OR52K1: variants seen among roughly 807,000 people sequenced by gnomAD.
The protein encoded by OR52K1 is olfactory receptor 52K1.
Under a neutral mutation model 8.7 loss-of-function variants are expected in OR52K1, and 10 were observed. That is an observed-to-expected ratio of 1.15 (90% confidence interval 0.71 to 1.95). The LOEUF is 1.95. OR52K1 is among the 30% of genes most tolerant of loss of function. The pLI is 0.00. For missense variants in OR52K1, 431 were observed against 397.2 expected (o/e 1.08, Z -0.72); for synonymous variants, 203 against 148.5 (o/e 1.37, Z -2.67).
In OR52K1 at chr11:4,483,024, T is replaced by C. The variant is rs1466421156; in HGVS notation, c.-481T>C. ...AACACTGTGGGCCATCTCCAAGAAGTCTTAGTTGATTATTCCAGTTTGGAT... is the reference window on the plus strand; with the variant it reads ...AACACTGTGGGCCATCTCCAAGAAGCCTTAGTTGATTATTCCAGTTTGGAT... On this transcript the variant is annotated 5_prime_UTR_variant, in exon 1 of 2. Transcript: ENST00000641528. 1 of 396,908 alleles carries C rather than the reference T, an allele frequency of 2.5e-6. No homozygotes were observed. Among genetic ancestry groups the C allele is most frequent in the African/African-American group, 2.1e-5 (1 of 48,564 alleles). 24.6% of individuals were successfully genotyped at this position (396,908 alleles called of 1,614,324 possible).
intron 1 of OR52K1, among the ~76,000 whole-genome samples, chr11:4,487,764 G>A (rs920740521): frequency 6.6e-6 from 1 of 152,110 alleles, no homozygotes; most frequent in Non-Finnish European, 1.5e-5. Flanking sequence ...AGTGTTTGAA[G>A]TACATTATCT....
Position 4,489,221 on chromosome 11 carries a change from C to T in OR52K1, c.321C>T (p.His107=), listed in dbSNP as rs1289382236. The T allele has an allele frequency of 1.9e-6, 3 of 1,614,200 alleles. No homozygotes were observed. Among genetic ancestry groups the T allele is most frequent in the East Asian group, 2.2e-5 (1 of 44,886 alleles). The part of the protein sequence containing the change: ...FACLVQMFFL[H]SFSIMESAVL... Reference sequence around the variant, plus strand: ...GTCTGGTCCAGATGTTCTTCCTTCACTCCTTCTCCATCATGGAGTCAGCAG... The same window carrying T: ...GTCTGGTCCAGATGTTCTTCCTTCATTCCTTCTCCATCATGGAGTCAGCAG... Residue 107 remains histidine, a synonymous_variant, in exon 2 of 2, where the codon CAC becomes CAT. Coordinates refer to ENST00000641528, the MANE Select transcript of OR52K1 (RefSeq NM_001005171.3).
rs1034260161 is a variant in OR52K1 at position 4,484,940 on chromosome 11, A to C, written c.-329+1764A>C. ...GTCCTTTGCTTCCAAATTCCTCAAA[A>C]AAGTTAGCCATGTTAACAAACTTCA... On this transcript the variant is annotated intron_variant, in intron 1 of 1. Coordinates refer to ENST00000641528, the MANE Select transcript of OR52K1 (RefSeq NM_001005171.3). Among the ~76,000 whole-genome samples the C allele has an allele frequency of 7.2e-5, 11 of 152,208 alleles. No homozygotes were observed. The East Asian group carries it at 1.9e-3, about 27-fold the overall frequency.
rs1344998923 is a variant in OR52K1 at position 4,491,408 on chromosome 11, T to C, written c.*1563T>C. The stretch of plus-strand genomic sequence containing the variant: ...AAAGACCTAAAAACAGAAATACCAT[T>C]TGACTGAGTGATCCTTTAGTGGGTA... On this transcript the variant is annotated 3_prime_UTR_variant, in exon 2 of 2. Transcript: ENST00000641528. The C allele has an allele frequency of 6.6e-6, 1 of 152,222 alleles. No individual in the cohort carries two copies. The highest frequency in any genetic ancestry group is 1.5e-5 in the Non-Finnish European group (1 of 68,060). The allele number at this position is 152,222 out of a possible 1,614,324, so 9.4% of individuals were successfully genotyped here.
At position 4,490,058 on chromosome 11, in the gene OR52K1, C is replaced by G. The variant is rs535503692; in HGVS notation, c.*213C>G. 1.8e-6 allele frequency: 1 copy of G among 561,790 alleles called. No homozygotes were observed. The highest frequency in any genetic ancestry group is 2.1e-5 in the South Asian group (1 of 46,732). 34.8% of individuals were successfully genotyped at this position (561,790 alleles called of 1,614,324 possible). ...GTCTGATAGTAGAGGTTTGACCTTC[C>G]CATTGTCATAGACTCATCACATGGC... On this transcript the variant is annotated 3_prime_UTR_variant, in exon 2 of 2. Transcript: ENST00000641528.
rs1846393751 is a variant in OR52K1 at position 4,493,153 on chromosome 11, A to T, written c.*3308A>T. ...GGCAGAGCCAGGTGTACAGGGTGGA[A>T]CGTGAAAGTGAAACAGGAGCGTGAC... is the stretch of plus-strand genomic sequence containing the variant. On this transcript the variant is annotated 3_prime_UTR_variant, in exon 2 of 2. Transcript: ENST00000641528. The T allele has an allele frequency of 6.6e-6, 1 of 152,306 alleles. No homozygotes were observed. Among genetic ancestry groups the T allele is most frequent in the Non-Finnish European group, 1.5e-5 (1 of 68,108 alleles). The allele number at this position is 152,306 out of a possible 1,614,324, so 9.4% of individuals were successfully genotyped here. A position where few individuals can be genotyped will look rare whatever the true frequency, so the allele number is the denominator to read the frequency against.
intron 1 of OR52K1, among the ~76,000 whole-genome samples, chr11:4,484,368 G>A (rs966186713): frequency 2.6e-5 from 4 of 152,166 alleles, no homozygotes; most frequent in Non-Finnish European, 4.4e-5. Flanking sequence ...AATGGGCAAC[G>A]TGGAGATTTA....
At position 4,489,544 on chromosome 11, in the gene OR52K1, T is replaced by A; in HGVS notation, c.644T>A (p.Phe215Tyr). 6.2e-7 allele frequency: 1 copy of A among 1,614,260 alleles called. No homozygotes were observed. The highest frequency in any genetic ancestry group is 8.5e-7 in the Non-Finnish European group (1 of 1,180,042). The change falls in exon 2 of 2, where the codon TTT becomes TAT. Residue 215 changes from phenylalanine (F) to tyrosine (Y), a missense_variant. By Grantham distance (22) the Phe-to-Tyr change is conservative (BLOSUM62 3). Coordinates refer to ENST00000641528, the MANE Select transcript of OR52K1 (RefSeq NM_001005171.3). Reference sequence around the variant, plus strand: ...TTTATTGTGGTGTTGGACCTGCTCTTTGTTATCCTGTCTTATGTCTTCATC... The same window carrying A: ...TTTATTGTGGTGTTGGACCTGCTCTATGTTATCCTGTCTTATGTCTTCATC... The part of the protein sequence containing the change: ...AMFIVVLDLL[F>Y]VILSYVFILQ...
At position 4,488,878 on chromosome 11, in the gene OR52K1, T is replaced by C. The variant is rs760433628; in HGVS notation, c.-23T>C. On this transcript the variant is annotated 5_prime_UTR_variant, in exon 2 of 2. Coordinates refer to ENST00000641528, the MANE Select transcript of OR52K1 (RefSeq NM_001005171.3). ...GAAGGTGAAGAAGCCCTGTAAAAAT[T>C]GACAAGGAGATTTCCAGGAGCCATG... 8.3e-6 allele frequency: 13 copies of C among 1,570,870 alleles called. No homozygotes were observed. The highest frequency in any genetic ancestry group is 1.7e-4 in the Middle Eastern group (1 of 5,950).
chr11:4,485,076 G>A (rs1384908964), intron 1 of OR52K1, among the ~76,000 whole-genome samples: 1 of 152,126 alleles, frequency 6.6e-6, no homozygotes, highest in African/African-American at 2.4e-5. Flanking sequence ...CTAAACACAA[G>A]GCCAATTGTG....
At position 4,493,093 on chromosome 11, in the gene OR52K1, A is replaced by C. The variant is rs576374682; in HGVS notation, c.*3248A>C. The C allele has an allele frequency of 6.6e-6, 1 of 152,520 alleles. No individual in the cohort carries two copies. The highest frequency in any genetic ancestry group is 1.9e-4 in the East Asian group (1 of 5,184). The allele number at this position is 152,520 out of a possible 1,614,324, so 9.4% of individuals were successfully genotyped here. On this transcript the variant is annotated 3_prime_UTR_variant, in exon 2 of 2. Transcript: ENST00000641528. The stretch of plus-strand genomic sequence containing the variant: ...TCTTCTATGCATTTCAAAGACTTTT[A>C]GTACTTTCACTTATTCTGCTACTGC...
Position 4,492,748 on chromosome 11 carries a change from A to G in OR52K1, c.*2903A>G, listed in dbSNP as rs1430014943. The stretch of plus-strand genomic sequence containing the variant: ...TACATGATCTACTTATACTGTAGGG[A>G]CCAGCCCTACAGGGTCTGTGAGTTT... On this transcript the variant is annotated 3_prime_UTR_variant, in exon 2 of 2. Transcript: ENST00000641528. 1 of 153,454 alleles carries G rather than the reference A, an allele frequency of 6.5e-6. No individual in the cohort carries two copies. The highest frequency in any genetic ancestry group is 1.9e-4 in the East Asian group (1 of 5,276). The allele number at this position is 153,454 out of a possible 1,614,324, so 9.5% of individuals were successfully genotyped here.
Position 4,488,885 on chromosome 11 carries a change from G to C in OR52K1, c.-16G>C. On this transcript the variant is annotated 5_prime_UTR_variant, in exon 2 of 2. Transcript: ENST00000641528. ...AAGAAGCCCTGTAAAAATTGACAAG[G>C]AGATTTCCAGGAGCCATGCTTCCCT... The C allele has an allele frequency of 6.3e-7, 1 of 1,590,262 alleles. No individual in the cohort carries two copies. Among genetic ancestry groups the C allele is most frequent in the East Asian group, 2.2e-5 (1 of 44,782 alleles).
rs1461369111 is a variant in OR52K1, at chr11:4,489,439, A to C, written c.539A>C (p.Tyr180Ser). 6.2e-7 allele frequency: 1 copy of C among 1,614,018 alleles called. No homozygotes were observed. Among genetic ancestry groups the C allele is most frequent in the African/African-American group, 1.3e-5 (1 of 74,900 alleles). Residue 180 changes from tyrosine to serine, a missense_variant, in exon 2 of 2, where the codon TAC becomes TCC. Transcript: ENST00000641528. Reference protein sequence around the residue: ...YCRGPVIAHCYCEHMAVVRLA... With the variant: ...YCRGPVIAHCSCEHMAVVRLA... ...CGAGGCCCAGTGATTGCCCATTGCT[A>C]CTGTGAACACATGGCTGTGGTAAGG...
Position 4,490,585 on chromosome 11 carries a change from T to A in OR52K1, c.*740T>A, listed in dbSNP as rs1040995174. 2.0e-5 allele frequency: 3 copies of A among 152,226 alleles called. No individual in the cohort carries two copies. Among genetic ancestry groups the A allele is most frequent in the Admixed American group, 1.3e-4 (2 of 15,284 alleles). 9.4% of individuals were successfully genotyped at this position (152,226 alleles called of 1,614,324 possible). A position where few individuals can be genotyped will look rare whatever the true frequency, so the allele number is the denominator to read the frequency against. Reference sequence around the variant, plus strand: ...GGATAGAAGAGCTGAATACTATCTTTGAACTATGAACCATGAAAAGAGAAA... The same window carrying A: ...GGATAGAAGAGCTGAATACTATCTTAGAACTATGAACCATGAAAAGAGAAA... On this transcript the variant is annotated 3_prime_UTR_variant, in exon 2 of 2. Transcript: ENST00000641528.
rs1238704897 is a variant in OR52K1, at chr11:4,489,801, A to AT, written c.903dup (p.Arg302SerfsTer2). The AT allele has an allele frequency of 6.2e-7, 1 of 1,613,356 alleles. No homozygotes were observed. Among genetic ancestry groups the AT allele is most frequent in the Admixed American group, 1.7e-5 (1 of 59,984 alleles). ...CATATATGGAGTCAAGACCAAGCAG[A>AT]TTCGTGAGTATGTGCTCAGTCTATT... On this transcript the variant is annotated frameshift_variant, in exon 2 of 2. Transcript: ENST00000641528. LOFTEE classifies it high-confidence loss of function.
At position 4,491,778 on chromosome 11, in the gene OR52K1, T is replaced by C. The variant is rs1025412069; in HGVS notation, c.*1933T>C. 1.3e-5 allele frequency: 2 copies of C among 152,142 alleles called. No homozygotes were observed. The highest frequency in any genetic ancestry group is 4.8e-5 in the African/African-American group (2 of 41,436). 9.4% of individuals were successfully genotyped at this position (152,142 alleles called of 1,614,324 possible). A position where few individuals can be genotyped will look rare whatever the true frequency, so the allele number is the denominator to read the frequency against. ...GAGGAGCAGGAGACACTGGGGCCTATTTAAGGTAGGAGGGAGAGGATCAGG... is the reference window on the plus strand; with the variant it reads ...GAGGAGCAGGAGACACTGGGGCCTACTTAAGGTAGGAGGGAGAGGATCAGG... On this transcript the variant is annotated 3_prime_UTR_variant, in exon 2 of 2. Coordinates refer to ENST00000641528, the MANE Select transcript of OR52K1 (RefSeq NM_001005171.3).
Position 4,489,577 on chromosome 11 carries a change from C to A in OR52K1, c.677C>A (p.Ala226Glu). The change falls in exon 2 of 2, where the codon GCA becomes GAA. Residue 226 changes from alanine to glutamate, a missense_variant. Ala to Glu is a moderately radical substitution (Grantham distance 107, BLOSUM62 -1). Coordinates refer to ENST00000641528, the MANE Select transcript of OR52K1 (RefSeq NM_001005171.3). ...CTGTCTTATGTCTTCATCCTTCAGGCAGTTCTCCAGCTTGCCTCTCAGGAG... is the reference window on the plus strand; with the variant it reads ...CTGTCTTATGTCTTCATCCTTCAGGAAGTTCTCCAGCTTGCCTCTCAGGAG... Reference protein sequence around the residue: ...VILSYVFILQAVLQLASQEAR... With the variant: ...VILSYVFILQEVLQLASQEAR... The A allele has an allele frequency of 6.2e-7, 1 of 1,614,230 alleles. No individual in the cohort carries two copies. The highest frequency in any genetic ancestry group is 8.5e-7 in the Non-Finnish European group (1 of 1,180,028).
Position 4,492,307 on chromosome 11 carries a change from A to G in OR52K1, c.*2462A>G, listed in dbSNP as rs331512. 53,717 of 152,004 alleles carry G rather than the reference A, an allele frequency of 0.35. 10,205 individuals are homozygous for G. Among genetic ancestry groups the G allele is most frequent in the African/African-American group, 0.5 (20,625 of 41,406 alleles). 9.4% of individuals were successfully genotyped at this position (152,004 alleles called of 1,614,324 possible). ...AATAAACTTTAAAATATGGCTGGAA[A>G]GCTTATCTTTCATTCTTTCCCTCTA... is the stretch of plus-strand genomic sequence containing the variant. On this transcript the variant is annotated 3_prime_UTR_variant, in exon 2 of 2. Transcript: ENST00000641528.
Sources: gnomAD v4.1 joint callset for allele counts (sites outside exome capture counted in the v4.1 genomes callset) on GRCh38, gnomAD v4.1.1 for gene constraint, MANE v1.5 for transcripts, NCBI Gene and HGNC (gene_info 2026-07-23, HGNC 2026-07-21) for gene names.